PTGS1: variants seen among roughly 807,000 people sequenced by gnomAD.
The protein encoded by PTGS1 is prostaglandin G/H synthase 1.
A neutral mutation model predicts 63.0 loss-of-function variants in PTGS1; 40 were observed. The ratio of observed to expected loss-of-function variants is 0.63; its 90% CI spans 0.49 to 0.83. The LOEUF (loss-of-function observed/expected upper bound fraction) is 0.83. Among genes scored for constraint, PTGS1 ranks in the 40% least tolerant of loss-of-function variants. The pLI is 0.00. For missense variants in PTGS1, 709 were observed against 786.5 expected, an observed-to-expected ratio of 0.90 and a Z score of 1.18; for synonymous variants, 298 against 301.9, an observed-to-expected ratio of 0.99 and a Z score of 0.13.
rs1310526866 is a variant in PTGS1 at position 122,393,141 on chromosome 9, T to C, written c.*597T>C. On this transcript the variant is annotated 3_prime_UTR_variant, in exon 11 of 11. Coordinates refer to ENST00000362012, the MANE Select transcript of PTGS1 (RefSeq NM_000962.4). ...GAGAGGGCAAGGAAGTGGGGTGTTC[T>C]TCTTGGGACCCCCACTAAGACCCTG... 1 of 152,940 alleles carries C rather than the reference T, an allele frequency of 6.5e-6. No homozygotes were observed. The highest frequency in any genetic ancestry group is 1.5e-5 in the Non-Finnish European group (1 of 68,572). 9.5% of individuals were successfully genotyped at this position (152,940 alleles called of 1,614,324 possible).
rs563775462 is a variant in PTGS1, at chr9:122,374,973, C to T, written c.95-2926C>T. On this transcript the variant is annotated intron_variant, in intron 2 of 10. Transcript: ENST00000362012. ...GCAATGGGGAGTCTCACCTACCTCTCTTAGGGAGTGCTGGGGAGATAAATG... is the reference window on the plus strand; with the variant it reads ...GCAATGGGGAGTCTCACCTACCTCTTTTAGGGAGTGCTGGGGAGATAAATG... Among the ~76,000 whole-genome samples the T allele has an allele frequency of 6.3e-4, 96 of 152,266 alleles. No homozygotes were observed. In the South Asian group the frequency reaches 8.9e-3, roughly 14 times the overall value.
rs185705486 is a variant in PTGS1 at position 122,381,399 on chromosome 9, C to G, written c.525C>G (p.Leu175=). Reference sequence around the variant, plus strand: ...AGAAGCAGTTGCCAGATGCCCAGCTCCTGGCCCGCCGCTTCCTGCTCAGGA... The same window carrying G: ...AGAAGCAGTTGCCAGATGCCCAGCTGCTGGCCCGCCGCTTCCTGCTCAGGA... ...KGKKQLPDAQ[L]LARRFLLRRK... Residue 175 remains leucine (L), a synonymous_variant, in exon 6 of 11, where the codon CTC becomes CTG. Coordinates refer to ENST00000362012, the MANE Select transcript of PTGS1 (RefSeq NM_000962.4). 1.2e-6 allele frequency: 2 copies of G among 1,613,992 alleles called. No homozygotes were observed. The highest frequency in any genetic ancestry group is 1.3e-5 in the African/African-American group (1 of 74,914).
chr9:122,380,963 G>T (rs1837475283), intron 5 of PTGS1, among the ~76,000 whole-genome samples: 1 of 152,024 alleles, frequency 6.6e-6, no homozygotes, highest in Admixed American at 6.6e-5. Context: ...GTTTTTTTCT[G>T]TTTCTTTATT....
At position 122,389,292 on chromosome 9, in the gene PTGS1, T is replaced by C. The variant is rs28538113; in HGVS notation, c.1297-906T>C. Among the ~76,000 whole-genome samples the C allele has an allele frequency of 3.4e-4, 51 of 151,782 alleles. No individual in the cohort carries two copies. The South Asian group carries it at 0.01, about 31-fold the overall frequency. ...CAGTCTCCCAAATAGCTGGGATTAC[T>C]GGCACCTGCCACCACGCCCAGCTAA... On this transcript the variant is annotated intron_variant, in intron 9 of 10. Transcript: ENST00000362012.
rs530984736 is a variant in PTGS1, at chr9:122,378,433, C to G, written c.212C>G (p.Pro71Arg). Residue 71 changes from proline to arginine, a missense_variant and splice_region_variant, in exon 4 of 11, where the codon CCT becomes CGT. Coordinates refer to ENST00000362012, the MANE Select transcript of PTGS1 (RefSeq NM_000962.4). ...TGYSGPNCTI[P>R]GLWTWLRNSL... ...TGAGTGACTGCCATTGCCCCTGCAG[C>G]TGGCCTGTGGACCTGGCTCCGGAAT... 3.1e-6 allele frequency: 5 copies of G among 1,613,642 alleles called. No homozygotes were observed. In the Admixed American group the frequency reaches 5.0e-5, roughly 16 times the overall value.
chr9:122,392,610 GGGCT>G lies in PTGS1; in HGVS notation c.*68_*71del, dbSNP rs1161574377. ...TTGTCATTCCAGAGTGCTGAGGCCAGGGCTGATGGTCTTAAATGCTCATTTTCTG... is the reference window on the plus strand; with the variant it reads ...TTGTCATTCCAGAGTGCTGAGGCCAGGATGGTCTTAAATGCTCATTTTCTG... On this transcript the variant is annotated 3_prime_UTR_variant, in exon 11 of 11. Transcript: ENST00000362012. 7.0e-7 allele frequency: 1 copy of G among 1,434,442 alleles called. No individual in the cohort carries two copies. The highest frequency in any genetic ancestry group is 1.4e-5 in the African/African-American group (1 of 70,456). 88.9% of individuals were successfully genotyped at this position (1,434,442 alleles called of 1,614,324 possible). A position where few individuals can be genotyped will look rare whatever the true frequency, so the allele number is the denominator to read the frequency against.
chr9:122,393,846 G>T lies in PTGS1; in HGVS notation c.*1302G>T, dbSNP rs200105487. On this transcript the variant is annotated 3_prime_UTR_variant, in exon 11 of 11. Transcript: ENST00000362012. ...CTTGCCTGTCTGGCTCAGGGTCAAA[G>T]ACAGAATGGTGGAGTGTAGCCTCCA... 9.0e-4 allele frequency: 137 copies of T among 152,320 alleles called. No individual in the cohort carries two copies. The highest frequency in any genetic ancestry group is 3.0e-3 in the African/African-American group (124 of 41,576). 9.4% of individuals were successfully genotyped at this position (152,320 alleles called of 1,614,324 possible). A position where few individuals can be genotyped will look rare whatever the true frequency, so the allele number is the denominator to read the frequency against.
chr9:122,383,526 G>A lies in PTGS1; in HGVS notation c.780G>A (p.Met260Ile), dbSNP rs1837668944. 4 of 1,610,602 alleles carry A rather than the reference G, an allele frequency of 2.5e-6. No homozygotes were observed. The highest frequency in any genetic ancestry group is 3.4e-6 in the Non-Finnish European group (4 of 1,177,246). ...KLKYQVLDGE[M>I]YPPSVEEAPV... ...TCCCACAGGTGCTGGATGGAGAAAT[G>A]TACCCGCCCTCGGTAGAAGAGGCGC... is the stretch of plus-strand genomic sequence containing the variant. The change falls in exon 8 of 11, where the codon ATG becomes ATA. Residue 260 changes from methionine to isoleucine, a missense_variant. By Grantham distance (10) the Met-to-Ile change is conservative. Transcript: ENST00000362012.
At chr9:122,379,012 A>T (rs528149363) in intron 5 of PTGS1, 94 bp downstream of exon 5, 1 of 1,493,190 alleles carries the variant, frequency 6.7e-7, no homozygotes, top group East Asian at 2.4e-5. Context: ...TATTGACCCA[A>T]TTCTGCAGAT....
At position 122,390,225 on chromosome 9, in the gene PTGS1, C is replaced by A; in HGVS notation, c.1324C>A (p.His442Asn). Reference sequence around the variant, plus strand: ...CGGTGGGGGCAGGAACATGGACCACCACATCCTGCATGTGGCTGTGGATGT... The same window carrying A: ...CGGTGGGGGCAGGAACATGGACCACAACATCCTGCATGTGGCTGTGGATGT... ...RIGGGRNMDH[H>N]ILHVAVDVIR... is the part of the protein sequence containing the mutation. The change falls in exon 10 of 11, where the codon CAC (histidine) becomes AAC (asparagine). Residue 442 changes from histidine (H) to asparagine (N), a missense_variant. By Grantham distance (68) the His-to-Asn change is moderately conservative. Coordinates refer to ENST00000362012, the MANE Select transcript of PTGS1 (RefSeq NM_000962.4). The A allele has an allele frequency of 6.2e-7, 1 of 1,614,074 alleles. No individual in the cohort carries two copies. The highest frequency in any genetic ancestry group is 1.1e-5 in the South Asian group (1 of 91,052).
chr9:122,391,360 T>C (rs1383478122), intron 10 of PTGS1, among the ~76,000 whole-genome samples: 4 of 51,676 alleles, frequency 7.7e-5, no homozygotes, highest in African/African-American at 7.5e-4. Context: ...TATATATACA[T>C]ATATATATAT....
intron 1 of PTGS1, 21 bp downstream of exon 1, chr9:122,371,112 C>T (rs999423011): frequency 1.9e-6 from 3 of 1,604,412 alleles, no homozygotes; most frequent in Non-Finnish European, 1.7e-6. Flanking sequence ...CCCCGGTGCC[C>T]GGTGGGGAAT....
rs758111962 is a variant in PTGS1 at position 122,378,510 on chromosome 9, T to C, written c.289T>C (p.Trp97Arg). 2 of 1,614,220 alleles carry C rather than the reference T, an allele frequency of 1.2e-6. No individual in the cohort carries two copies. Among genetic ancestry groups the C allele is most frequent in the Non-Finnish European group, 1.7e-6 (2 of 1,180,044 alleles). ...FTHFLLTHGR[W>R]FWEFVNATFI... ...CCACTTCCTGCTCACTCACGGGCGC[T>C]GGTTCTGGGAGTTTGTCAATGCCAC... Residue 97 changes from tryptophan to arginine, a missense_variant, in exon 4 of 11, where the codon TGG becomes CGG. Physicochemically the swap from Trp to Arg is moderately radical, Grantham distance 101. Coordinates refer to ENST00000362012, the MANE Select transcript of PTGS1 (RefSeq NM_000962.4).
In PTGS1 at chr9:122,391,386, CAT is replaced by C. The variant is rs1325859491; in HGVS notation, c.1445-793_1445-792del. 2.7e-3 allele frequency among the ~76,000 whole-genome samples: 192 copies of C among 70,682 alleles called. 1 individual carries two copies. Among genetic ancestry groups the C allele is most frequent in the African/African-American group, 0.011 (101 of 9,454 alleles). The allele number at this position is 70,682 out of a possible 152,430, so 46.4% of individuals were successfully genotyped here. ...ATATATATATACATATATATATATA[CAT>C]ATATATATACATATATATATACATA... On this transcript the variant is annotated intron_variant, in intron 10 of 10. Transcript: ENST00000362012.
At chr9:122,385,521 G>A (rs1837819649) in intron 8 of PTGS1, among the ~76,000 whole-genome samples, 1 of 151,514 alleles carries the variant, frequency 6.6e-6, no homozygotes, top group Non-Finnish European at 1.5e-5. Flanking sequence ...CATTTTCCCT[G>A]GCTTTTTGCT....
At chr9:122,378,652 G>C (rs2119138215) in intron 4 of PTGS1, 79 bp downstream of exon 4, 1 of 1,608,112 alleles carries the variant, frequency 6.2e-7, no homozygotes, top group East Asian at 2.2e-5. Context: ...CATCTGATAA[G>C]GGTAGTGGGT....
chr9:122,386,130 T>TA (rs72444571), intron 8 of PTGS1, among the ~76,000 whole-genome samples: 1,741 of 138,980 alleles, frequency 0.013, 25 homozygotes, highest in Non-Finnish European at 0.013. Flanking sequence ...CCCCATCTCT[T>TA]AAAAAAAAAA....
chr9:122,378,851 C>A lies in PTGS1; in HGVS notation c.429C>A (p.Asn143Lys), dbSNP rs368871343. 1 of 1,614,216 alleles carries A rather than the reference C, an allele frequency of 6.2e-7. No individual in the cohort carries two copies. The highest frequency in any genetic ancestry group is 1.1e-5 in the South Asian group (1 of 91,088). Residue 143 changes from asparagine (N) to lysine (K), a missense_variant, in exon 5 of 11, where the codon AAC (asparagine) becomes AAA (lysine). Transcript: ENST00000362012. Reference sequence around the variant, plus strand: ...ACATCAGCTGGGAGTCTTTCTCCAACGTGAGCTATTACACTCGTATTCTGC... The same window carrying A: ...ACATCAGCTGGGAGTCTTTCTCCAAAGTGAGCTATTACACTCGTATTCTGC... Reference protein sequence around the residue: ...HDYISWESFSNVSYYTRILPS... With the variant: ...HDYISWESFSKVSYYTRILPS...
At chr9:122,375,364 A>C (rs1341522226) in intron 2 of PTGS1, 1 of 985,564 alleles carries the variant, frequency 1.0e-6, no homozygotes, top group Non-Finnish European at 1.2e-6. Context: ...CTCTAGGGCC[A>C]TGGCGGGAGG....
Sources: gnomAD v4.1 joint callset for allele counts (sites outside exome capture counted in the v4.1 genomes callset) on GRCh38, gnomAD v4.1.1 for gene constraint, MANE v1.5 for transcripts, NCBI Gene and HGNC (gene_info 2026-07-23, HGNC 2026-07-21) for gene names.